The following ST7 variants were observed in gnomAD, a reference collection of about 807,000 sequenced individuals.
The protein encoded by ST7 is suppression of tumorigenicity 7.
In ST7, 28 loss-of-function variants were observed where a neutral mutation model predicts 78.7. The observed-to-expected ratio is 0.36, with a 90% CI of 0.26 to 0.49. The LOEUF (loss-of-function observed/expected upper bound fraction) is 0.49, where lower values mean the gene tolerates loss of function less well. Among genes scored for constraint, ST7 ranks in the 20% least tolerant of loss-of-function variants. The pLI is 0.99. For synonymous variants in ST7, 247 were observed against 249.6 expected (o/e 0.99, Z 0.10); for missense variants, 418 against 696.0 (o/e 0.60, Z 4.49).
At chr7:117,185,575 G>A (rs771392772) in intron 10 of ST7, among the ~76,000 whole-genome samples, 16 of 152,172 alleles carry the variant, frequency 1.1e-4, no homozygotes, top group Non-Finnish European at 2.2e-4. Context: ...ACTGAACCCT[G>A]TATACACAAT....
At position 117,219,199 on chromosome 7, in the gene ST7, C is replaced by T. The variant is rs1209143233; in HGVS notation, c.1498+23C>T. 4 of 1,578,072 alleles carry T rather than the reference C, an allele frequency of 2.5e-6. No individual in the cohort carries two copies. The highest frequency in any genetic ancestry group is 2.7e-5 in the African/African-American group (2 of 73,996). On this transcript the variant is annotated intron_variant, in intron 14 of 15. Transcript: ENST00000323984. This position sits in a 1 kb window ranked among gnomAD's most constrained non-coding sequence, Gnocchi z 5.1. ...CATGTAAGTCTCACCTCTCTTCAGC[C>T]AGTGAGGGTGTGTGGTGAAAGGTGG...
intron 1 of ST7, chr7:116,956,846 G>T (rs1439815596): frequency 8.4e-6 from 3 of 357,280 alleles, no homozygotes; most frequent in African/African-American, 6.4e-5. Flanking sequence ...TTTACTACAA[G>T]AATACAACTT....
Position 117,134,140 on chromosome 7 carries a change from G to A in ST7, c.658G>A (p.Glu220Lys). The A allele has an allele frequency of 6.2e-7, 1 of 1,611,824 alleles. No individual in the cohort carries two copies. The highest frequency in any genetic ancestry group is 8.5e-7 in the Non-Finnish European group (1 of 1,178,722). ...LEINEIRSRVEVPLIASSTIW... is the reference protein window; with the variant it reads ...LEINEIRSRVKVPLIASSTIW... ...CTTGGTCAGAATTAGGTCCAGAGTT[G>A]AAGTTCCCCTAATTGCTTCCTCTAC... is the stretch of plus-strand genomic sequence containing the variant. Residue 220 changes from glutamate to lysine, a missense_variant, in exon 7 of 16, where the codon GAA becomes AAA. Physicochemically the swap from Glu to Lys is moderately conservative, Grantham distance 56 (BLOSUM62 1). Transcript: ENST00000323984.
chr7:116,966,807 G>T (rs888495005), intron 1 of ST7, among the ~76,000 whole-genome samples: 4 of 152,142 alleles, frequency 2.6e-5, no homozygotes, highest in Non-Finnish European at 2.9e-5. Context: ...GCATTTAATT[G>T]AAAGCAGCTC....
intron 9 of ST7, 40 bp from the exon 10 acceptor site, chr7:117,170,822 A>G: frequency 1.0e-6 from 1 of 998,042 alleles, no homozygotes; most frequent in Non-Finnish European, 1.5e-6. Flanking sequence ...TATAAGACAT[A>G]CATAATATAC....
chr7:117,014,190 T>G (rs984494423), intron 1 of ST7, among the ~76,000 whole-genome samples: 1 of 152,218 alleles, frequency 6.6e-6, no homozygotes, highest in African/African-American at 2.4e-5. Flanking sequence ...AAGTAAAAAT[T>G]TATTTATGTT....
intron 10 of ST7, among the ~76,000 whole-genome samples, chr7:117,178,681 G>A (rs567791242): frequency 7.9e-5 from 12 of 152,210 alleles, no homozygotes; most frequent in African/African-American, 1.7e-4. Context: ...TTAAAACTAC[G>A]TCTTGATTGT....
intron 10 of ST7, among the ~76,000 whole-genome samples, chr7:117,178,494 C>G (rs1808507238): frequency 6.6e-6 from 1 of 152,192 alleles, no homozygotes; most frequent in African/African-American, 2.4e-5. Context: ...TTGGGAATAT[C>G]TGTGGTCTGT....
chr7:117,019,102 A>G (rs1239989925), intron 1 of ST7, among the ~76,000 whole-genome samples: 2 of 152,212 alleles, frequency 1.3e-5, no homozygotes, highest in Non-Finnish European at 2.9e-5. Context: ...TGAGATCAAG[A>G]CATGTCTTTG....
At chr7:116,969,037 A>T (rs1234783603) in intron 1 of ST7, among the ~76,000 whole-genome samples, 1 of 152,246 alleles carries the variant, frequency 6.6e-6, no homozygotes, top group Admixed American at 6.5e-5. Flanking sequence ...CATCATCCAT[A>T]TTTAACGTTT....
intron 12 of ST7, among the ~76,000 whole-genome samples, chr7:117,198,071 A>G (rs1437461422): frequency 2.6e-5 from 4 of 152,256 alleles, no homozygotes. Flanking sequence ...GAAAAGCTCA[A>G]AAGTGTTCAG....
chr7:117,156,664 C>T (rs1435094348), intron 9 of ST7, among the ~76,000 whole-genome samples: 2 of 152,260 alleles, frequency 1.3e-5, no homozygotes, highest in East Asian at 3.9e-4. Context: ...GAGAAGCATC[C>T]AGTGGCTTCT....
At position 117,099,863 on chromosome 7, in the gene ST7, C is replaced by G. The variant is rs200109461; in HGVS notation, c.234+19C>G. 97 of 1,597,320 alleles carry G rather than the reference C, an allele frequency of 6.1e-5. No homozygotes were observed. In the Admixed American group the frequency reaches 1.6e-3, roughly 27 times the overall value. On this transcript the variant is annotated intron_variant, in intron 2 of 15. Transcript: ENST00000323984. ...TATTTTGGTAAGTGGTGGAGTCCTT[C>G]TCATTTAAAAACATGCTGATTAGTA...
chr7:117,152,669 G>A (rs965477613), intron 9 of ST7, among the ~76,000 whole-genome samples: 2 of 152,124 alleles, frequency 1.3e-5, no homozygotes, highest in Non-Finnish European at 2.9e-5. Flanking sequence ...ATCTACATTT[G>A]TAAGTCTTTT....
chr7:116,959,830 C>T (rs190524229), intron 1 of ST7: 2 of 152,220 alleles, frequency 1.3e-5, no homozygotes, highest in Admixed American at 1.3e-4. Flanking sequence ...TTTCTCTGAG[C>T]TTGAGTTTTT....
chr7:117,221,470 T>C (rs903718979), intron 14 of ST7, among the ~76,000 whole-genome samples: 11 of 152,120 alleles, frequency 7.2e-5, no homozygotes, highest in African/African-American at 2.4e-4. Context: ...TTATAATGAT[T>C]TTTTAAATAC....
At chr7:116,990,407 C>G (rs1052023173) in intron 1 of ST7, among the ~76,000 whole-genome samples, 1 of 151,948 alleles carries the variant, frequency 6.6e-6, no homozygotes, top group Non-Finnish European at 1.5e-5. Context: ...GGAATCAATC[C>G]CCTTCCTCTA....
Position 117,222,053 on chromosome 7 carries a change from C to T in ST7, c.1629C>T (p.Phe543=), listed in dbSNP as rs1326486044. The T allele has an allele frequency of 3.7e-6, 6 of 1,608,904 alleles. No individual in the cohort carries two copies. Among genetic ancestry groups the T allele is most frequent in the South Asian group, 1.1e-5 (1 of 90,126 alleles). ...AGTTCCCGGAACTTATGGGGGTCTT[C>T]GCAAAAGCTGTGAGTGTTTGCCTAG... ...THQFPELMGV[F]AKAFLSTLFA... Residue 543 remains phenylalanine (F), a synonymous_variant, in exon 15 of 16, where the codon TTC becomes TTT. Transcript: ENST00000323984.
intron 5 of ST7, 79 bp downstream of exon 5, chr7:117,130,685 A>C (rs1804275492): frequency 1.1e-6 from 1 of 907,096 alleles, no homozygotes; most frequent in Non-Finnish European, 1.7e-6. Flanking sequence ...TAGAATATCC[A>C]CTCTGTAAAA....
Sources: allele counts gnomAD v4.1 joint callset (sites outside exome capture counted in the v4.1 genomes callset), GRCh38; gene constraint gnomAD v4.1.1; non-coding constraint Gnocchi (gnomAD v3.1); transcripts MANE v1.5; gene names NCBI Gene and HGNC (gene_info 2026-07-23, HGNC 2026-07-21).